Variants in CYP3A43 observed in about 807,000 individuals in gnomAD.
The protein encoded by CYP3A43 is cytochrome P450 3A43.
A neutral mutation model predicts 58.0 loss-of-function variants in CYP3A43; 45 were observed. The ratio of observed to expected loss-of-function variants is 0.78; its 90% confidence interval spans 0.61 to 0.99. CYP3A43 has a LOEUF of 0.99. CYP3A43 is among the 50% of genes least tolerant of loss of function. The pLI is 0.00. For missense variants in CYP3A43, 593 were observed against 591.9 expected (o/e 1.00, Z -0.02); for synonymous variants, 191 against 201.4 (o/e 0.95, Z 0.44).
intron 3 of CYP3A43, among the ~76,000 whole-genome samples, chr7:99,840,002 G>T (rs1350624362): frequency 6.6e-6 from 1 of 152,174 alleles, no homozygotes; most frequent in Non-Finnish European, 1.5e-5. Flanking sequence ...GGAAGATGGG[G>T]CCTCCATGTT....
intron 3 of CYP3A43, among the ~76,000 whole-genome samples, chr7:99,840,536 T>C (rs1817289722): frequency 6.6e-6 from 1 of 152,238 alleles, no homozygotes; most frequent in African/African-American, 2.4e-5. Flanking sequence ...GATTTTTTCC[T>C]CTACTCTGTC....
At chr7:99,837,330 A>AAAAAAGAAAAGAAAAAAAG (rs1554442619) in intron 2 of CYP3A43, among the ~76,000 whole-genome samples, 8 of 151,450 alleles carry the variant, frequency 5.3e-5, no homozygotes, top group Non-Finnish European at 2.9e-5. Flanking sequence ...AAAAAAAAAA[A>AAAAAAGAAAAGAAAAAAAG]AAAAAGAAAA....
intron 9 of CYP3A43, among the ~76,000 whole-genome samples, 193 bp from the exon 10 acceptor site, chr7:99,859,637 G>A (rs1177793955): frequency 6.6e-6 from 1 of 152,118 alleles, no homozygotes; most frequent in African/African-American, 2.4e-5. Flanking sequence ...AAAAAAAACT[G>A]GATTAAAGTG....
rs769491358 is a variant in CYP3A43, at chr7:99,844,162, C to A, written c.238C>A (p.Pro80Thr). The change falls in exon 4 of 13, where the codon CCC (proline) becomes ACC (threonine). Residue 80 changes from proline to threonine, a missense_variant. Pro to Thr is a conservative substitution (Grantham distance 38, BLOSUM62 -1). Coordinates refer to ENST00000354829, the MANE Select transcript of CYP3A43 (RefSeq NM_057095.3). ...EMWGLYEGQQ[P>T]MLVIMDPDMI... The stretch of plus-strand genomic sequence containing the variant: ...ACACAGGCTGTATGAGGGGCAACAG[C>A]CCATGCTGGTCATCATGGATCCCGA... The A allele has an allele frequency of 7.4e-6, 12 of 1,613,608 alleles. No individual in the cohort carries two copies. The African/African-American group carries it at 1.5e-4, about 20-fold the overall frequency.
In CYP3A43 at chr7:99,844,070, G is replaced by A. The variant is rs886973122; in HGVS notation, c.219-73G>A. 33 of 1,192,850 alleles carry A rather than the reference G, an allele frequency of 2.8e-5. No individual in the cohort carries two copies. In the Admixed American group the frequency reaches 7.0e-4, roughly 25 times the overall value. 73.9% of individuals were successfully genotyped at this position (1,192,850 alleles called of 1,614,324 possible). The stretch of plus-strand genomic sequence containing the variant: ...TGATGGAATGTCAGGATCAAAATCT[G>A]GATTCTTTGGTGTGGTTCCAGCTGC... On this transcript the variant is annotated intron_variant, in intron 3 of 12. Transcript: ENST00000354829.
Position 99,853,846 on chromosome 7 carries a change from G to A in CYP3A43, c.671-1745G>A, listed in dbSNP as rs146935349. ...GCTGGGATTATAGGCGTGAGCCACC[G>A]CGCCCAGCCTTGAGCTTTATTTTTT... On this transcript the variant is annotated intron_variant, in intron 7 of 12. Transcript: ENST00000354829. Among the ~76,000 whole-genome samples the A allele has an allele frequency of 3.1e-3, 468 of 152,266 alleles. 2 individuals carry two copies. The highest frequency in any genetic ancestry group is 7.5e-3 in the African/African-American group (310 of 41,540).
intron 11 of CYP3A43, among the ~76,000 whole-genome samples, chr7:99,862,767 A>G (rs1237746314): frequency 6.6e-6 from 1 of 152,226 alleles, no homozygotes; most frequent in African/African-American, 2.4e-5. Flanking sequence ...CTTGTTAGGC[A>G]TGCTGTCTCT....
chr7:99,845,655 A>G (rs926995981), intron 4 of CYP3A43, among the ~76,000 whole-genome samples: 1 of 151,872 alleles, frequency 6.6e-6, no homozygotes, highest in Non-Finnish European at 1.5e-5. Context: ...GTTTTGTCCC[A>G]TTGATCACTG....
intron 12 of CYP3A43, among the ~76,000 whole-genome samples, chr7:99,864,130 C>A (rs1818354726): frequency 6.7e-6 from 1 of 148,580 alleles, no homozygotes; most frequent in Non-Finnish European, 1.5e-5. Context: ...ACTAGCTGTA[C>A]ATTGGAATCA....
intron 1 of CYP3A43, among the ~76,000 whole-genome samples, chr7:99,831,778 G>T (rs909381612): frequency 2.6e-5 from 4 of 152,120 alleles, no homozygotes; most frequent in Admixed American, 1.3e-4. Flanking sequence ...AAAAAAAAGT[G>T]AGCATGACTG....
Position 99,866,067 on chromosome 7 carries a change from G to T in CYP3A43, c.*66G>T. ...CCCAGAACACTAGACACTTCAAATT[G>T]TTTTGTGAATAAAACTCAGAAATGA... On this transcript the variant is annotated 3_prime_UTR_variant, in exon 13 of 13. Coordinates refer to ENST00000354829, the MANE Select transcript of CYP3A43 (RefSeq NM_057095.3). 1 of 1,004,046 alleles carries T rather than the reference G, an allele frequency of 1.0e-6. No homozygotes were observed. The highest frequency in any genetic ancestry group is 1.5e-6 in the Non-Finnish European group (1 of 683,518). 62.2% of individuals were successfully genotyped at this position (1,004,046 alleles called of 1,614,324 possible).
intron 7 of CYP3A43, among the ~76,000 whole-genome samples, chr7:99,851,899 G>T (rs1237972604): frequency 6.6e-6 from 1 of 152,122 alleles, no homozygotes; most frequent in African/African-American, 2.4e-5. Context: ...ATGAAGATTT[G>T]CCCTCTTGGT....
intron 6 of CYP3A43, among the ~76,000 whole-genome samples, chr7:99,848,706 T>C (rs1231122289): frequency 1.3e-5 from 2 of 152,158 alleles, no homozygotes; most frequent in African/African-American, 4.8e-5. Flanking sequence ...CACCAAAATA[T>C]GAAATATTAA....
intron 1 of CYP3A43, among the ~76,000 whole-genome samples, chr7:99,829,568 G>T (rs760094904): frequency 1.3e-5 from 2 of 151,976 alleles, no homozygotes; most frequent in African/African-American, 2.4e-5. Context: ...CTATAGGAGA[G>T]AAAAAAAATC....
intron 3 of CYP3A43, among the ~76,000 whole-genome samples, chr7:99,839,703 G>A (rs560338756): frequency 4.6e-5 from 7 of 152,270 alleles, no homozygotes; most frequent in East Asian, 3.9e-4. Flanking sequence ...CTCTCCTGCC[G>A]AGAGAGGGGG....
At chr7:99,857,943 C>T (rs1437321867) in intron 9 of CYP3A43, among the ~76,000 whole-genome samples, 2 of 152,140 alleles carry the variant, frequency 1.3e-5, no homozygotes, top group Non-Finnish European at 2.9e-5. Context: ...ATCTACTTGT[C>T]TATCTATGTG....
At chr7:99,856,713 T>C in intron 8 of CYP3A43, 120 bp from the exon 9 acceptor site, 1 of 994,762 alleles carries the variant, frequency 1.0e-6, no homozygotes, top group South Asian at 1.4e-5. Flanking sequence ...GCAACACCCA[T>C]TACACTTCTG....
intron 8 of CYP3A43, among the ~76,000 whole-genome samples, chr7:99,856,266 G>A (rs1817977738): frequency 6.6e-6 from 1 of 152,150 alleles, no homozygotes; most frequent in African/African-American, 2.4e-5. Flanking sequence ...CAAGCTGACT[G>A]ATCCAACTTT....
rs754445994 is a variant in CYP3A43, at chr7:99,847,485, A to G, written c.319-3A>G. ...GACAAACTGCTTCTGCTTTGAACTC[A>G]AGCCTTTAGGTCCAATGGGATTTCT... On this transcript the variant is annotated splice_polypyrimidine_tract_variant and splice_region_variant and intron_variant, in intron 4 of 12. Transcript: ENST00000354829. 37 of 1,613,168 alleles carry G rather than the reference A, an allele frequency of 2.3e-5. No individual in the cohort carries two copies. Among genetic ancestry groups the G allele is most frequent in the Non-Finnish European group, 3.1e-5 (37 of 1,179,534 alleles).
Sources: gnomAD v4.1 joint callset for allele counts (sites outside exome capture counted in the v4.1 genomes callset) on GRCh38, gnomAD v4.1.1 for gene constraint, MANE v1.5 for transcripts, NCBI Gene and HGNC (gene_info 2026-07-23, HGNC 2026-07-21) for gene names.